The following HERC4 variants were observed in gnomAD, a reference collection of about 807,000 sequenced individuals.
HERC4 encodes probable E3 ubiquitin-protein ligase HERC4.
Under a neutral mutation model 124.3 loss-of-function variants are expected in HERC4, and 28 were observed. The observed-to-expected ratio is 0.23, with a 90% CI of 0.17 to 0.31. The LOEUF is 0.31. Among genes scored for constraint, HERC4 ranks in the 10% least tolerant of loss-of-function variants. The probability of loss-of-function intolerance (pLI) is 1.00; values close to 1 mark genes in which losing one functional copy is unlikely to be tolerated. For missense variants in HERC4, 713 were observed against 1,229.3 expected, an observed-to-expected ratio of 0.58 and a Z score of 6.28; for synonymous variants, 407 against 421.5, an observed-to-expected ratio of 0.97 and a Z score of 0.42.
chr10:67,938,608 T>C (rs556098298), intron 21 of HERC4, among the ~76,000 whole-genome samples: 114 of 152,234 alleles, frequency 7.5e-4, no homozygotes, highest in African/African-American at 2.6e-3. Context: ...TTCTGCCATA[T>C]CCTCATCTAT....
chr10:67,949,022 G>A (rs935950380), intron 19 of HERC4, among the ~76,000 whole-genome samples: 1 of 152,044 alleles, frequency 6.6e-6, no homozygotes. Flanking sequence ...GGGAGGCCGA[G>A]GAGGATGGAT....
intron 17 of HERC4, chr10:67,955,571 A>C (rs1444935341): frequency 6.5e-6 from 1 of 153,134 alleles, no homozygotes; most frequent in Non-Finnish European, 1.5e-5. Context: ...CAGGAGTTCA[A>C]GACCAGCCTG....
At chr10:67,929,512 T>C (rs948088842) in intron 23 of HERC4, among the ~76,000 whole-genome samples, 2 of 151,904 alleles carry the variant, frequency 1.3e-5, no homozygotes, top group Non-Finnish European at 2.9e-5. Context: ...AGTTGTTGCA[T>C]GTATCAATAG....
chr10:68,054,592 C>T (rs1300475194), intron 3 of HERC4, among the ~76,000 whole-genome samples: 1 of 152,100 alleles, frequency 6.6e-6, no homozygotes, highest in Non-Finnish European at 1.5e-5. Context: ...GATCCACCCA[C>T]CTCAGCCTCA....
chr10:68,020,096 A>G (rs1057088343), intron 8 of HERC4, among the ~76,000 whole-genome samples: 31 of 152,238 alleles, frequency 2.0e-4, no homozygotes, highest in African/African-American at 7.0e-4. Context: ...TAGCAGGGAA[A>G]GGTATAGGCT....
chr10:68,056,239 A>T (rs1314547450), intron 3 of HERC4, among the ~76,000 whole-genome samples: 1 of 152,188 alleles, frequency 6.6e-6, no homozygotes, highest in Non-Finnish European at 1.5e-5. Context: ...GTAGAGTTTT[A>T]AATTTTAAAT....
At chr10:68,030,729 G>A (rs1354108000) in intron 7 of HERC4, among the ~76,000 whole-genome samples, 2 of 151,960 alleles carry the variant, frequency 1.3e-5, no homozygotes, top group African/African-American at 2.4e-5. Flanking sequence ...CAAATCTTTG[G>A]GGTAGATTCC....
chr10:68,057,529 CAGG>C (rs2040609247), intron 3 of HERC4, among the ~76,000 whole-genome samples: 2 of 150,686 alleles, frequency 1.3e-5, no homozygotes, highest in South Asian at 4.2e-4. Context: ...GAGGCTGAGG[CAGG>C]AGAATCGCTT....
intron 6 of HERC4, among the ~76,000 whole-genome samples, chr10:68,033,416 TA>T (rs1465119382): frequency 6.6e-6 from 1 of 152,188 alleles, no homozygotes; most frequent in Admixed American, 6.5e-5. Flanking sequence ...TACTGAACTA[TA>T]AGAAATTAGC....
chr10:67,927,430 A>ATATATTTTTTT (rs1564911511), intron 23 of HERC4, among the ~76,000 whole-genome samples: 2 of 37,926 alleles, frequency 5.3e-5, no homozygotes, highest in Admixed American at 3.7e-4. Context: ...ATATATATAT[A>ATATATTTTTTT]TTTTTTTTTT....
intron 9 of HERC4, among the ~76,000 whole-genome samples, chr10:68,005,672 CCTTT>C (rs1265002168): frequency 6.0e-5 from 9 of 150,796 alleles, no homozygotes; most frequent in East Asian, 3.9e-4. Flanking sequence ...GTTTTAATTT[CCTTT>C]TTTTTTTTAA....
intron 7 of HERC4, among the ~76,000 whole-genome samples, chr10:68,032,002 T>C (rs951182457): frequency 6.6e-5 from 10 of 152,200 alleles, no homozygotes; most frequent in Non-Finnish European, 1.0e-4. Flanking sequence ...TCCACCTGCC[T>C]CAGCCTCCCA....
chr10:67,972,927 G>C (rs117916879), intron 15 of HERC4, among the ~76,000 whole-genome samples: 14,655 of 152,238 alleles, frequency 0.096, 910 homozygotes, highest in Middle Eastern at 0.18. Context: ...ACTTCCTTAA[G>C]AGAAATAATG....
intron 24 of HERC4, among the ~76,000 whole-genome samples, 184 bp downstream of exon 24, chr10:67,924,899 TAG>T (rs1337723198): frequency 6.6e-6 from 1 of 152,222 alleles, no homozygotes; most frequent in Non-Finnish European, 1.5e-5. Flanking sequence ...TTTTACTTCA[TAG>T]AATGAATCAA....
chr10:68,027,640 G>C (rs919297965), intron 7 of HERC4, among the ~76,000 whole-genome samples: 1 of 152,110 alleles, frequency 6.6e-6, no homozygotes, highest in African/African-American at 2.4e-5. Context: ...TAACTAAGTC[G>C]GGTGGGGCAC....
Position 68,059,717 on chromosome 10 carries a change from ATT to A in HERC4, c.226+13164_226+13165del, listed in dbSNP as rs1491294596. Reference sequence around the variant, plus strand: ...ATATTATAATATTATATATCATAATATTATATATTATATATCATAATATTATA... The same window carrying A: ...ATATTATAATATTATATATCATAATAATATATTATATATCATAATATTATA... On this transcript the variant is annotated intron_variant, in intron 3 of 24. Coordinates refer to ENST00000373700, the MANE Select transcript of HERC4 (RefSeq NM_015601.4). Among the ~76,000 whole-genome samples, 7 of 55,368 alleles carry A rather than the reference ATT, an allele frequency of 1.3e-4. 1 individual carries two copies. The African/African-American group carries it at 1.6e-3, about 12-fold the overall frequency. The allele number at this position is 55,368 out of a possible 152,430, so 36.3% of individuals were successfully genotyped here. A position where few individuals can be genotyped will look rare whatever the true frequency, so the allele number is the denominator to read the frequency against.
intron 5 of HERC4, among the ~76,000 whole-genome samples, chr10:68,036,221 G>C (rs2039458573): frequency 6.6e-6 from 1 of 151,880 alleles, no homozygotes; most frequent in Non-Finnish European, 1.5e-5. Context: ...GGGAGGCTGA[G>C]GCAAGAGAAT....
chr10:68,020,752 G>C (rs2038572114), intron 8 of HERC4, among the ~76,000 whole-genome samples: 1 of 146,154 alleles, frequency 6.8e-6, no homozygotes. Flanking sequence ...CTGGGCGACA[G>C]AGCGAGACTC....
intron 9 of HERC4, among the ~76,000 whole-genome samples, chr10:68,000,683 G>A (rs1254881711): frequency 6.6e-6 from 1 of 152,166 alleles, no homozygotes; most frequent in Non-Finnish European, 1.5e-5. Context: ...AGGTCATAAT[G>A]GAGTAGGGTA....
Sources: allele counts gnomAD v4.1 joint callset (sites outside exome capture counted in the v4.1 genomes callset), GRCh38; gene constraint gnomAD v4.1.1; transcripts MANE v1.5; gene names NCBI Gene and HGNC (gene_info 2026-07-23, HGNC 2026-07-21).